CLPTM1L: variants seen among roughly 807,000 people sequenced by gnomAD.
CLPTM1L encodes CLPTM1 like.
A neutral mutation model predicts 70.9 loss-of-function variants in CLPTM1L; 38 were observed. That is an observed-to-expected ratio of 0.54 (90% confidence interval 0.41 to 0.70). CLPTM1L has a LOEUF of 0.70. Ranked by LOEUF, CLPTM1L falls within the 30% of genes least tolerant of loss-of-function variation. The pLI is 0.00. For synonymous variants in CLPTM1L, 339 were observed against 299.9 expected (o/e 1.13, Z -1.35); for missense variants, 652 against 705.9 (o/e 0.92, Z 0.87).
chr5:1,331,641 G>C (rs1753099248), intron 8 of CLPTM1L, 158 bp downstream of exon 8: 3 of 647,536 alleles, frequency 4.6e-6, no homozygotes, highest in Non-Finnish European at 8.1e-6. Context: ...ACGGCTCCCT[G>C]GGCTTTACGG....
At position 1,342,843 on chromosome 5, in the gene CLPTM1L, C is replaced by T. The variant is rs1754033258; in HGVS notation, c.264-983G>A. 4.6e-5 allele frequency among the ~76,000 whole-genome samples: 7 copies of T among 152,230 alleles called. No homozygotes were observed. The highest frequency in any genetic ancestry group is 7.2e-5 in the African/African-American group (3 of 41,460). Reference sequence around the variant, plus strand: ...GGCTCAAGTGATCCTCCCGCCTTGGCCTCCCAAACTGCTGGGATTATAGGC... The same window carrying T: ...GGCTCAAGTGATCCTCCCGCCTTGGTCTCCCAAACTGCTGGGATTATAGGC... On this transcript the variant is annotated intron_variant, in intron 2 of 16. Transcript: ENST00000320895. This position sits in a 1 kb window ranked among gnomAD's most constrained non-coding sequence, Gnocchi z 4.3.
intron 5 of CLPTM1L, among the ~76,000 whole-genome samples, chr5:1,336,687 G>T (rs1002682221): frequency 6.6e-6 from 1 of 152,202 alleles, no homozygotes; most frequent in Admixed American, 6.5e-5. Context: ...TGCAGGGGCC[G>T]ACAGAGAAAC....
rs1486347242 is a variant in CLPTM1L at position 1,328,701 on chromosome 5, TAGACACATTCCATCCAGCTCCTCCTCTAC to T, written c.1080+1550_1080+1578del. ...CACATTTCATCCAGCTCCTCCTCTA[TAGACACATTCCATCCAGCTCCTCCTCTAC>T]AGACACATTTCATCCAGCTCCTCCT... On this transcript the variant is annotated intron_variant, in intron 9 of 16. Transcript: ENST00000320895. Among the ~76,000 whole-genome samples the T allele has an allele frequency of 9.0e-3, 648 of 72,344 alleles. 2 individuals are homozygous for T. The highest frequency in any genetic ancestry group is 0.014 in the Non-Finnish European group (491 of 34,316). 47.5% of individuals were successfully genotyped at this position (72,344 alleles called of 152,430 possible).
rs1753948270 is a variant in CLPTM1L, at chr5:1,341,764, G to A, written c.360C>T (p.Asp120=). The A allele has an allele frequency of 2.5e-6, 4 of 1,614,016 alleles. No homozygotes were observed. Among genetic ancestry groups the A allele is most frequent in the Middle Eastern group, 1.6e-4 (1 of 6,062 alleles). Reference sequence around the variant, plus strand: ...GACTGACCAGGTGCACCTGCTTCCCGTCGTGCCACGGCAGGACCCCAGCGT... The same window carrying A: ...GACTGACCAGGTGCACCTGCTTCCCATCGTGCCACGGCAGGACCCCAGCGT... ...LHHAGVLPWH[D]GKQVHLVSPL... is the part of the protein sequence containing the mutation. The change falls in exon 3 of 17, where the codon GAC becomes GAT. Residue 120 remains aspartate (D), a synonymous_variant. Transcript: ENST00000320895.
chr5:1,336,044 A>T (rs1753556857), intron 5 of CLPTM1L, among the ~76,000 whole-genome samples: 1 of 152,076 alleles, frequency 6.6e-6, no homozygotes, highest in East Asian at 1.9e-4. Flanking sequence ...GGTGTGGTGG[A>T]ATCAGAGCCA....
chr5:1,337,845 C>A, intron 5 of CLPTM1L, 59 bp downstream of exon 5: 13 of 1,369,166 alleles, frequency 9.5e-6, no homozygotes, highest in Non-Finnish European at 1.3e-5. Flanking sequence ...GGCTGCGGGG[C>A]CAGTCTTGGG....
At chr5:1,321,914 C>A in intron 13 of CLPTM1L, 95 bp from the exon 14 acceptor site, 1 of 1,124,144 alleles carries the variant, frequency 8.9e-7, no homozygotes, top group Admixed American at 2.0e-5. Flanking sequence ...GGCCGAGCTG[C>A]CACGTCTATG....
rs142887696 is a variant in CLPTM1L at position 1,322,919 on chromosome 5, G to A, written c.1281-8C>T. The A allele has an allele frequency of 4.7e-4, 752 of 1,608,840 alleles. 5 individuals are homozygous for A. In the African/African-American group the frequency reaches 9.0e-3, roughly 19 times the overall value. ...ATTAACCAGGAGTACCAGCTGAAAC[G>A]GAAAAAAAAGGAGAAGTCCTATTTC... On this transcript the variant is annotated splice_polypyrimidine_tract_variant and splice_region_variant and intron_variant, in intron 12 of 16. Transcript: ENST00000320895.
Position 1,342,882 on chromosome 5 carries a change from C to T in CLPTM1L, c.264-1022G>A, listed in dbSNP as rs116226801. 0.017 allele frequency among the ~76,000 whole-genome samples: 2,665 copies of T among 152,348 alleles called. 39 individuals carry two copies. The highest frequency in any genetic ancestry group is 0.024 in the Non-Finnish European group (1,649 of 68,028). ...GGGATTATAGGCATGAGTCACTGTG[C>T]CCGGCCTCTCCTTAAAAATCTTACG... On this transcript the variant is annotated intron_variant, in intron 2 of 16. Transcript: ENST00000320895. This position sits in a 1 kb window ranked among gnomAD's most constrained non-coding sequence, Gnocchi z 4.3.
intron 13 of CLPTM1L, 23 bp downstream of exon 13, chr5:1,322,854 A>G (rs1752238563): frequency 6.2e-7 from 1 of 1,612,200 alleles, no homozygotes. Context: ...CTAGTACTGA[A>G]GCAGGGAAGC....
Position 1,320,647 on chromosome 5 carries a change from C to T in CLPTM1L, c.1501G>A (p.Val501Met), listed in dbSNP as rs778022626. Residue 501 changes from valine to methionine, a missense_variant, in exon 16 of 17, where the codon GTG becomes ATG. This residue lies in a region of CLPTM1L where 240 missense variants were observed against 295.0 expected (regional missense o/e 0.81). Transcript: ENST00000320895. ...SHRLACFRDD[V>M]VFLVYLYQRW... ...TGGTACAGGTAGACCAGAAACACCA[C>T]GTCGTCCCGGAAGCAGGCCAGCCGG... 17 of 1,545,958 alleles carry T rather than the reference C, an allele frequency of 1.1e-5. No individual in the cohort carries two copies. Among genetic ancestry groups the T allele is most frequent in the East Asian group, 4.9e-5 (2 of 40,734 alleles).
At chr5:1,327,767 T>C (rs1349485016) in intron 9 of CLPTM1L, among the ~76,000 whole-genome samples, 2 of 150,622 alleles carry the variant, frequency 1.3e-5, no homozygotes, top group African/African-American at 4.9e-5. Context: ...CAGCTCCTCC[T>C]CTACAGGGAC....
At chr5:1,324,003 G>C in intron 11 of CLPTM1L, 134 bp from the exon 12 acceptor site, 1 of 703,486 alleles carries the variant, frequency 1.4e-6, no homozygotes, top group Non-Finnish European at 2.5e-6. Context: ...TGCTCTGCAG[G>C]GGGCGGCGTG....
rs964968223 is a variant in CLPTM1L, at chr5:1,324,755, T to C, written c.1197+8A>G. 3 of 1,613,860 alleles carry C rather than the reference T, an allele frequency of 1.9e-6. No homozygotes were observed. Among genetic ancestry groups the C allele is most frequent in the African/African-American group, 2.7e-5 (2 of 75,056 alleles). The stretch of plus-strand genomic sequence containing the variant: ...GCATGCACGTGCCCTGAATCACAAG[T>C]GACTTACCTGAGTATCGTACTCCTC... On this transcript the variant is annotated splice_region_variant and intron_variant, in intron 11 of 16. Transcript: ENST00000320895.
At chr5:1,344,572 C>G in intron 1 of CLPTM1L, 108 bp downstream of exon 1, 1 of 1,455,218 alleles carries the variant, frequency 6.9e-7, no homozygotes. Flanking sequence ...GGTTCCATCT[C>G]GACTCGCGCG....
chr5:1,340,040 G>T (rs1412123621), intron 3 of CLPTM1L, among the ~76,000 whole-genome samples: 2 of 152,228 alleles, frequency 1.3e-5, no homozygotes, highest in African/African-American at 4.8e-5. Flanking sequence ...GGGCACAGCG[G>T]CCCCACAGCT....
intron 5 of CLPTM1L, among the ~76,000 whole-genome samples, chr5:1,337,663 A>G (rs1753662229): frequency 6.6e-6 from 1 of 152,186 alleles, no homozygotes; most frequent in Non-Finnish European, 1.5e-5. Context: ...GGGGCCTTTC[A>G]CCAGTGACAG....
intron 12 of CLPTM1L, 103 bp downstream of exon 12, chr5:1,323,684 C>G: frequency 1.1e-6 from 1 of 923,798 alleles, no homozygotes; most frequent in African/African-American, 1.6e-5. Context: ...CCAAGTGCCC[C>G]GGCCCCGAGT....
At chr5:1,340,259 T>C (rs772594825) in intron 3 of CLPTM1L, among the ~76,000 whole-genome samples, 1 of 152,224 alleles carries the variant, frequency 6.6e-6, no homozygotes, top group Non-Finnish European at 1.5e-5. Flanking sequence ...CACACAGCCC[T>C]GTGGCTGTAA....
Sources: allele counts gnomAD v4.1 joint callset (sites outside exome capture counted in the v4.1 genomes callset), GRCh38; gene constraint gnomAD v4.1.1; regional missense constraint gnomAD v4.1.1; non-coding constraint Gnocchi (gnomAD v3.1); transcripts MANE v1.5; gene names NCBI Gene and HGNC (gene_info 2026-07-23, HGNC 2026-07-21).